LPAR1: variants seen among roughly 807,000 people sequenced by gnomAD.
The protein encoded by LPAR1 is LPA receptor 1.
LPAR1 carries 5 observed loss-of-function variants against 23.8 expected under a neutral mutation model. That is an observed-to-expected ratio of 0.21 (90% CI 0.11 to 0.44). LPAR1 has a LOEUF of 0.44. LPAR1 is among the 20% of genes least tolerant of loss of function. The pLI is 0.99. For missense variants in LPAR1, 311 were observed against 482.8 expected (o/e 0.64, Z 3.33); for synonymous variants, 160 against 164.7 (o/e 0.97, Z 0.22).
intron 5 of LPAR1, among the ~76,000 whole-genome samples, chr9:110,885,401 T>G (rs2082105581): frequency 6.6e-6 from 1 of 152,188 alleles, no homozygotes; most frequent in East Asian, 1.9e-4. Context: ...AGCCATGCCC[T>G]CTGAGTAGGC....
At chr9:110,887,031 C>A (rs980449663) in intron 5 of LPAR1, among the ~76,000 whole-genome samples, 2 of 152,068 alleles carry the variant, frequency 1.3e-5, no homozygotes, top group African/African-American at 2.4e-5. Context: ...ATTGGTTTTG[C>A]AACATATTTA....
chr9:111,008,066 C>T (rs890620323), intron 2 of LPAR1, among the ~76,000 whole-genome samples: 4 of 151,722 alleles, frequency 2.6e-5, no homozygotes, highest in African/African-American at 7.3e-5. Flanking sequence ...CCCAGCTACT[C>T]GGTAGGCTAA....
chr9:110,900,200 T>C (rs1021161190), intron 5 of LPAR1, among the ~76,000 whole-genome samples: 5 of 152,228 alleles, frequency 3.3e-5, no homozygotes, highest in East Asian at 1.9e-4. Flanking sequence ...AGGGCTGTAA[T>C]TCTTTCTTCA....
chr9:110,914,719 A>G (rs1239283702), intron 5 of LPAR1, among the ~76,000 whole-genome samples: 1 of 152,218 alleles, frequency 6.6e-6, no homozygotes, highest in Non-Finnish European at 1.5e-5. Flanking sequence ...GATGCCTAGT[A>G]CAGTATGCAG....
At chr9:110,923,504 T>C (rs534095398) in intron 5 of LPAR1, among the ~76,000 whole-genome samples, 3 of 152,326 alleles carry the variant, frequency 2.0e-5, no homozygotes, top group Admixed American at 6.5e-5. Context: ...TGTAGGCTAA[T>C]GTAAGTGTTC....
At chr9:111,029,426 G>A (rs1003222446) in intron 2 of LPAR1, among the ~76,000 whole-genome samples, 2 of 151,900 alleles carry the variant, frequency 1.3e-5, no homozygotes, top group Admixed American at 6.6e-5. Context: ...ACCTCCACAA[G>A]CTTCGAGATT....
intron 5 of LPAR1, among the ~76,000 whole-genome samples, chr9:110,914,561 G>T (rs1015026509): frequency 6.6e-6 from 1 of 152,160 alleles, no homozygotes; most frequent in African/African-American, 2.4e-5. Context: ...ATTTGGGTGG[G>T]GACCCAGCCA....
intron 5 of LPAR1, among the ~76,000 whole-genome samples, chr9:110,929,929 T>A (rs1238532926): frequency 6.6e-6 from 1 of 152,160 alleles, no homozygotes; most frequent in Non-Finnish European, 1.5e-5. Flanking sequence ...TCAGAAATGA[T>A]GCTTCGAGTT....
intron 2 of LPAR1, among the ~76,000 whole-genome samples, chr9:110,977,911 A>AGAAGGAAGGAAG (rs1183103283): frequency 7.1e-6 from 1 of 140,618 alleles, no homozygotes; most frequent in African/African-American, 2.7e-5. Context: ...AAGGAAGGAA[A>AGAAGGAAGGAAG]GAAGGAAAGA....
chr9:110,913,524 C>T (rs1425776573), intron 5 of LPAR1, among the ~76,000 whole-genome samples: 2 of 147,864 alleles, frequency 1.4e-5, no homozygotes, highest in African/African-American at 2.6e-5. Flanking sequence ...TATATGTACA[C>T]ACACATGTGT....
intron 2 of LPAR1, among the ~76,000 whole-genome samples, chr9:111,017,513 T>C (rs987915814): frequency 3.9e-5 from 6 of 152,234 alleles, no homozygotes; most frequent in Admixed American, 3.9e-4. Flanking sequence ...TCCCTGACTG[T>C]AATATCAATG....
chr9:110,893,356 T>C (rs1040276226), intron 5 of LPAR1, among the ~76,000 whole-genome samples: 1 of 152,188 alleles, frequency 6.6e-6, no homozygotes, highest in African/African-American at 2.4e-5. Flanking sequence ...TATCCACTGA[T>C]AGTATACATA....
intron 2 of LPAR1, among the ~76,000 whole-genome samples, chr9:110,985,257 C>A (rs186174831): frequency 1.3e-5 from 2 of 152,236 alleles, no homozygotes; most frequent in African/African-American, 4.8e-5. Flanking sequence ...TGGCTACTTT[C>A]CTCTCTTCCT....
chr9:110,951,324 CTGTGCTGCAAAATCTAA>C (rs2095562741), intron 4 of LPAR1, among the ~76,000 whole-genome samples: 2 of 152,008 alleles, frequency 1.3e-5, no homozygotes, highest in Non-Finnish European at 2.9e-5. Flanking sequence ...TTTAAGACTT[CTGTGCTGCAAAATCTAA>C]TGAGTGAAAA....
chr9:110,982,132 C>A (rs1236753284), intron 2 of LPAR1, among the ~76,000 whole-genome samples: 2 of 152,126 alleles, frequency 1.3e-5, no homozygotes, highest in African/African-American at 2.4e-5. Flanking sequence ...TGGGTATACA[C>A]CTAAAAGATT....
At chr9:110,894,308 C>T (rs988833768) in intron 5 of LPAR1, among the ~76,000 whole-genome samples, 10 of 152,120 alleles carry the variant, frequency 6.6e-5, no homozygotes, top group Admixed American at 5.2e-4. Context: ...GTTTCTTTTC[C>T]TTACTGCATA....
chr9:111,018,897 C>T (rs2097506567), intron 2 of LPAR1, among the ~76,000 whole-genome samples: 2 of 152,138 alleles, frequency 1.3e-5, no homozygotes, highest in African/African-American at 2.4e-5. Flanking sequence ...GTTGAATGAA[C>T]AGTTTAACAG....
intron 2 of LPAR1, among the ~76,000 whole-genome samples, chr9:110,988,360 G>C (rs6477801): frequency 0.63 from 95,981 of 151,662 alleles, 30,988 homozygotes; most frequent in Admixed American, 0.7. Flanking sequence ...TATTATATAA[G>C]TATCTGAAAA....
chr9:111,005,078 G>T (rs774935371), intron 2 of LPAR1, among the ~76,000 whole-genome samples: 13 of 147,890 alleles, frequency 8.8e-5, no homozygotes, highest in Non-Finnish European at 1.6e-4. Context: ...GCAAGCATTG[G>T]TTGAGCCCAA....
Sources: allele counts gnomAD v4.1 joint callset (sites outside exome capture counted in the v4.1 genomes callset), GRCh38; gene constraint gnomAD v4.1.1; transcripts MANE v1.5; gene names NCBI Gene and HGNC (gene_info 2026-07-23, HGNC 2026-07-21).